Variants in GBP6 observed in about 807,000 individuals in gnomAD.
GBP6 encodes guanylate binding protein family member 6.
A neutral mutation model predicts 61.5 loss-of-function variants in GBP6; 54 were observed. That is an observed-to-expected ratio of 0.88 (90% CI 0.71 to 1.10). The LOEUF (loss-of-function observed/expected upper bound fraction) is 1.10. GBP6 is among the 50% of genes least tolerant of loss of function. GBP6 has a pLI of 0.00. For synonymous variants in GBP6, 255 were observed against 273.7 expected, an observed-to-expected ratio of 0.93 and a Z score of 0.67; for missense variants, 748 against 752.8, an observed-to-expected ratio of 0.99 and a Z score of 0.07.
chr1:89,376,220 T>C (rs777096401), intron 3 of GBP6, among the ~76,000 whole-genome samples: 3 of 152,234 alleles, frequency 2.0e-5, no homozygotes, highest in Admixed American at 6.5e-5. Flanking sequence ...ACAGATTGAC[T>C]CCATGCCTTG....
chr1:89,367,313 C>A (rs1382017448), intron 1 of GBP6, among the ~76,000 whole-genome samples: 1 of 152,100 alleles, frequency 6.6e-6, no homozygotes, highest in East Asian at 1.9e-4. Flanking sequence ...CTAGCTAACA[C>A]CTGTTTTCAG....
chr1:89,380,656 T>A (rs1652951725), intron 6 of GBP6, 25 bp downstream of exon 6: 1 of 1,607,028 alleles, frequency 6.2e-7, no homozygotes, highest in East Asian at 2.2e-5. Flanking sequence ...TACTTTTCTG[T>A]GGGGCCTCAT....
intron 10 of GBP6, 136 bp downstream of exon 10, chr1:89,384,422 A>G: frequency 3.1e-6 from 2 of 645,540 alleles, no homozygotes; most frequent in Non-Finnish European, 5.2e-6. Context: ...AAAGCCCTGA[A>G]TCCTTTTTTT....
At position 89,378,547 on chromosome 1, in the gene GBP6, C is replaced by T; in HGVS notation, c.559C>T (p.Leu187=). ...GACAGTACGGGATTTCACTCTGGAG[C>T]TGAAGTTGAACGGTCACCCTATCAC... ...LWTVRDFTLE[L]KLNGHPITED... is the part of the protein sequence containing the mutation. Residue 187 remains leucine, a synonymous_variant, in exon 5 of 11, where the codon CTG becomes TTG. Transcript: ENST00000370456. 2 of 1,614,060 alleles carry T rather than the reference C, an allele frequency of 1.2e-6. No individual in the cohort carries two copies. The highest frequency in any genetic ancestry group is 1.1e-5 in the South Asian group (1 of 91,080).
At chr1:89,373,582 A>G (rs1652708212) in intron 3 of GBP6, among the ~76,000 whole-genome samples, 3 of 152,116 alleles carry the variant, frequency 2.0e-5, no homozygotes, top group Non-Finnish European at 2.9e-5. Context: ...ACCAAACACC[A>G]CATGTTCTCA....
In GBP6 at chr1:89,387,984, A is replaced by T. The variant is rs1653184182; in HGVS notation, c.*2515A>T. Among the ~76,000 whole-genome samples, 1 of 152,134 alleles carries T rather than the reference A, an allele frequency of 6.6e-6. No homozygotes were observed. ...TAAATTAAAGCTATGAGAAGAAAAT[A>T]AATTTTCCTGGTATAGTGTCCTTCT... On this transcript the variant is annotated 3_prime_UTR_variant, in exon 11 of 11. Coordinates refer to ENST00000370456, the MANE Select transcript of GBP6 (RefSeq NM_198460.3).
rs1301123572 is a variant in GBP6 at position 89,385,947 on chromosome 1, A to G, written c.*478A>G. 6.5e-6 allele frequency: 1 copy of G among 152,686 alleles called. No individual in the cohort carries two copies. Among genetic ancestry groups the G allele is most frequent in the Non-Finnish European group, 1.5e-5 (1 of 68,408 alleles). 9.5% of individuals were successfully genotyped at this position (152,686 alleles called of 1,614,324 possible). A position where few individuals can be genotyped will look rare whatever the true frequency, so the allele number is the denominator to read the frequency against. ...GAAAAACTTTGTTCACTTTTAGGAAATATAATTTTGAAAAATCATTTACAT... is the reference window on the plus strand; with the variant it reads ...GAAAAACTTTGTTCACTTTTAGGAAGTATAATTTTGAAAAATCATTTACAT... On this transcript the variant is annotated 3_prime_UTR_variant, in exon 11 of 11. Coordinates refer to ENST00000370456, the MANE Select transcript of GBP6 (RefSeq NM_198460.3).
At position 89,387,154 on chromosome 1, in the gene GBP6, A is replaced by T. The variant is rs1653166391; in HGVS notation, c.*1685A>T. 6.6e-6 allele frequency among the ~76,000 whole-genome samples: 1 copy of T among 152,196 alleles called. No homozygotes were observed. Among genetic ancestry groups the T allele is most frequent in the South Asian group, 2.1e-4 (1 of 4,830 alleles). Reference sequence around the variant, plus strand: ...CCCCAGGAAAGGACACTGCAACTCCAGGACCCAAATAAATGATAATGATTT... The same window carrying T: ...CCCCAGGAAAGGACACTGCAACTCCTGGACCCAAATAAATGATAATGATTT... On this transcript the variant is annotated 3_prime_UTR_variant, in exon 11 of 11. Coordinates refer to ENST00000370456, the MANE Select transcript of GBP6 (RefSeq NM_198460.3).
rs1652945556 is a variant in GBP6 at position 89,380,547 on chromosome 1, GAACA to G, written c.796_799del (p.Asn266PhefsTer31). ...AAAGCAACTGGATCCCAAATTCCAG[GAACA>G]AACAAACATTTTCTGTTCTTACATC... On this transcript the variant is annotated frameshift_variant, in exon 6 of 11. Coordinates refer to ENST00000370456, the MANE Select transcript of GBP6 (RefSeq NM_198460.3). LOFTEE classifies it high-confidence loss of function. 2 of 1,613,924 alleles carry G rather than the reference GAACA, an allele frequency of 1.2e-6. No homozygotes were observed. Among genetic ancestry groups the G allele is most frequent in the African/African-American group, 1.3e-5 (1 of 74,896 alleles).
chr1:89,374,210 A>T (rs1429480505), intron 3 of GBP6, among the ~76,000 whole-genome samples: 1 of 152,070 alleles, frequency 6.6e-6, no homozygotes, highest in Admixed American at 6.6e-5. Flanking sequence ...GTATGTCTTT[A>T]TTGGGCAGCA....
chr1:89,366,633 A>G (rs913529758), intron 1 of GBP6, among the ~76,000 whole-genome samples: 1 of 152,232 alleles, frequency 6.6e-6, no homozygotes, highest in African/African-American at 2.4e-5. Context: ...TTGCAGTAGC[A>G]TAACACAGAG....
intron 6 of GBP6, 64 bp downstream of exon 6, chr1:89,380,695 T>C: frequency 6.6e-7 from 1 of 1,507,926 alleles, no homozygotes; most frequent in South Asian, 1.3e-5. Context: ...ATAATGTGTT[T>C]CTCAGAATTT....
intron 9 of GBP6, 21 bp downstream of exon 9, chr1:89,383,775 T>C: frequency 6.5e-7 from 1 of 1,534,382 alleles, no homozygotes; most frequent in Non-Finnish European, 8.9e-7. Context: ...GGGCTCAGCT[T>C]ACACAGGAGG....
rs746249258 is a variant in GBP6, at chr1:89,382,779, C to A, written c.1268C>A (p.Ala423Glu). Reference sequence around the variant, plus strand: ...AAGGGACTAATGGAAAGTATCTCAGCAGGAAGTTTCTCTGTTCCTGGAGGG... The same window carrying A: ...AAGGGACTAATGGAAAGTATCTCAGAAGGAAGTTTCTCTGTTCCTGGAGGG... ...LSKGLMESISAGSFSVPGGHK... is the reference protein window; with the variant it reads ...LSKGLMESISEGSFSVPGGHK... Residue 423 changes from alanine to glutamate, a missense_variant, in exon 8 of 11, where the codon GCA becomes GAA. Transcript: ENST00000370456. 1 of 1,613,944 alleles carries A rather than the reference C, an allele frequency of 6.2e-7. No individual in the cohort carries two copies. The highest frequency in any genetic ancestry group is 8.5e-7 in the Non-Finnish European group (1 of 1,179,872).
At chr1:89,373,897 CATCTT>C (rs1204883434) in intron 3 of GBP6, among the ~76,000 whole-genome samples, 2 of 151,892 alleles carry the variant, frequency 1.3e-5, no homozygotes, top group African/African-American at 4.8e-5. Flanking sequence ...ACCCAAATCT[CATCTT>C]GAATTGTAGT....
At chr1:89,379,103 GT>G (rs1455205928) in intron 5 of GBP6, among the ~76,000 whole-genome samples, 8 of 152,196 alleles carry the variant, frequency 5.3e-5, no homozygotes, top group African/African-American at 1.9e-4. Flanking sequence ...TCTGCAGGCT[GT>G]ACAAGCATGG....
At position 89,369,802 on chromosome 1, in the gene GBP6, A is replaced by G. The variant is rs1035081438; in HGVS notation, c.318+129A>G. The G allele has an allele frequency of 4.5e-6, 5 of 1,100,106 alleles. No homozygotes were observed. The African/African-American group carries it at 6.4e-5, about 14-fold the overall frequency. The allele number at this position is 1,100,106 out of a possible 1,614,324, so 68.1% of individuals were successfully genotyped here. A position where few individuals can be genotyped will look rare whatever the true frequency, so the allele number is the denominator to read the frequency against. On this transcript the variant is annotated intron_variant, in intron 3 of 10. Transcript: ENST00000370456. ...ATAAGGCAAACTTTGACCTGTTTGA[A>G]TCACACTTCTAGACAAGGTTAGATA...
In GBP6 at chr1:89,382,716, CTGTTCA is replaced by C. The variant is rs776719392; in HGVS notation, c.1206_1211del (p.Val403_Gln404del). 3,517 of 1,614,126 alleles carry C rather than the reference CTGTTCA, an allele frequency of 2.2e-3. 3 individuals are homozygous for C. The highest frequency in any genetic ancestry group is 2.7e-3 in the Non-Finnish European group (3,131 of 1,179,966). On this transcript the variant is annotated inframe_deletion, in exon 8 of 11. Transcript: ENST00000370456. ...TTCTTGCTGCAGAATGAAGAGTCAT[CTGTTCA>C]ATACTGCCAGGCTAAACTCAATGAG...
intron 6 of GBP6, among the ~76,000 whole-genome samples, chr1:89,380,873 TAAA>T (rs1652958001): frequency 6.6e-6 from 1 of 152,232 alleles, no homozygotes; most frequent in East Asian, 1.9e-4. Flanking sequence ...CCCCCACTGA[TAAA>T]ATAACTAACT....
Sources: allele counts gnomAD v4.1 joint callset (sites outside exome capture counted in the v4.1 genomes callset), GRCh38; gene constraint gnomAD v4.1.1; transcripts MANE v1.5; gene names NCBI Gene and HGNC (gene_info 2026-07-23, HGNC 2026-07-21).